Variants in PCCA observed in about 807,000 individuals in gnomAD.
PCCA encodes propionyl-CoA carboxylase subunit alpha.
Under a neutral mutation model 101.3 loss-of-function variants are expected in PCCA, and 74 were observed. The ratio of observed to expected loss-of-function variants is 0.73; its 90% CI spans 0.61 to 0.89. The LOEUF (loss-of-function observed/expected upper bound fraction) is 0.89, where lower values mean the gene tolerates loss of function less well. Among genes scored for constraint, PCCA ranks in the 40% least tolerant of loss-of-function variants. The pLI is 0.00. For synonymous variants in PCCA, 294 were observed against 313.6 expected (o/e 0.94, Z 0.66); for missense variants, 891 against 907.0 (o/e 0.98, Z 0.23).
chr13:100,148,465 A>G (rs1440038274), intron 4 of PCCA, among the ~76,000 whole-genome samples: 3 of 119,214 alleles, frequency 2.5e-5, no homozygotes, highest in African/African-American at 6.7e-5. Context: ...CAGTCCTTTC[A>G]TTTGTGGTCT....
At chr13:100,271,798 T>G (rs1595048937) in intron 11 of PCCA, among the ~76,000 whole-genome samples, 1 of 152,296 alleles carries the variant, frequency 6.6e-6, no homozygotes, top group Non-Finnish European at 1.5e-5. Context: ...TTTTTAAAAG[T>G]GAAATGATAC....
chr13:100,400,165 T>C (rs2077254613), intron 19 of PCCA, among the ~76,000 whole-genome samples: 1 of 152,182 alleles, frequency 6.6e-6, no homozygotes, highest in Non-Finnish European at 1.5e-5. Flanking sequence ...GTTTTGAACT[T>C]GGGTGATGGA....
intron 6 of PCCA, among the ~76,000 whole-genome samples, chr13:100,179,476 A>C (rs2056576404): frequency 6.6e-6 from 1 of 152,196 alleles, no homozygotes; most frequent in South Asian, 2.1e-4. Flanking sequence ...AAGTGAGGTC[A>C]TGGTAGACCC....
chr13:100,446,668 A>G (rs2080854473), intron 20 of PCCA, among the ~76,000 whole-genome samples: 1 of 152,226 alleles, frequency 6.6e-6, no homozygotes, highest in African/African-American at 2.4e-5. Flanking sequence ...AGACACAGGA[A>G]AGGAGTCTAT....
Position 100,140,232 on chromosome 13 carries a change from G to A in PCCA, c.301-14747G>A, listed in dbSNP as rs142809505. Among the ~76,000 whole-genome samples, 5 of 152,216 alleles carry A rather than the reference G, an allele frequency of 3.3e-5. No homozygotes were observed. In the East Asian group the frequency reaches 5.8e-4, roughly 18 times the overall value. On this transcript the variant is annotated intron_variant, in intron 4 of 23. Transcript: ENST00000376285. ...CAAATTTTGTGTTTGTGTCCAGGAC[G>A]TGTAAAGAGCACAGAGAGAGCAGAA... is the stretch of plus-strand genomic sequence containing the variant.
At chr13:100,328,094 G>C (rs1487425436) in intron 16 of PCCA, among the ~76,000 whole-genome samples, 4 of 152,204 alleles carry the variant, frequency 2.6e-5, no homozygotes, top group African/African-American at 9.6e-5. Context: ...GCCGGGTGCA[G>C]TGGCTCACGC....
intron 2 of PCCA, among the ~76,000 whole-genome samples, chr13:100,104,225 G>T (rs147388629): frequency 6.6e-6 from 1 of 152,280 alleles, no homozygotes; most frequent in South Asian, 2.1e-4. Flanking sequence ...GCTGAAGTGC[G>T]CAATACTGCT....
chr13:100,112,276 A>G (rs1041075072), intron 4 of PCCA, among the ~76,000 whole-genome samples: 1 of 152,182 alleles, frequency 6.6e-6, no homozygotes, highest in African/African-American at 2.4e-5. Flanking sequence ...AAACTTAGAC[A>G]GAAAAATTGC....
At chr13:100,447,197 A>G (rs1014005505) in intron 20 of PCCA, among the ~76,000 whole-genome samples, 7 of 152,128 alleles carry the variant, frequency 4.6e-5, no homozygotes, top group Non-Finnish European at 7.4e-5. Context: ...AGCCTGGCCA[A>G]CATGGCAAAA....
At chr13:100,375,814 G>T (rs113125039) in intron 19 of PCCA, among the ~76,000 whole-genome samples, 2 of 152,068 alleles carry the variant, frequency 1.3e-5, no homozygotes, top group African/African-American at 2.4e-5. Context: ...AAATGTAAAC[G>T]GGCTAAATGC....
intron 18 of PCCA, among the ~76,000 whole-genome samples, chr13:100,356,491 C>T (rs970408519): frequency 6.6e-6 from 1 of 151,776 alleles, no homozygotes; most frequent in African/African-American, 2.4e-5. Flanking sequence ...GCCAATAAGC[C>T]CATAAAAGAT....
chr13:100,326,743 T>A (rs1595359705), intron 16 of PCCA, among the ~76,000 whole-genome samples: 1 of 152,134 alleles, frequency 6.6e-6, no homozygotes, highest in Non-Finnish European at 1.5e-5. Flanking sequence ...ATGATCCACT[T>A]CCACTTGATG....
chr13:100,527,651 C>T, intron 22 of PCCA, 24 bp from the exon 23 acceptor site: 1 of 1,567,532 alleles, frequency 6.4e-7, no homozygotes, highest in Non-Finnish European at 8.8e-7. Context: ...GCTTTTAAAA[C>T]TTCTGCCCAT....
intron 16 of PCCA, among the ~76,000 whole-genome samples, chr13:100,323,335 T>C (rs145975890): frequency 6.6e-6 from 1 of 152,156 alleles, no homozygotes; most frequent in Non-Finnish European, 1.5e-5. Context: ...TTTTGTTGTT[T>C]TTTTGAGACA....
intron 22 of PCCA, among the ~76,000 whole-genome samples, chr13:100,521,305 C>T (rs1039856589): frequency 6.6e-6 from 1 of 152,224 alleles, no homozygotes; most frequent in Non-Finnish European, 1.5e-5. Flanking sequence ...GCAGACGGCA[C>T]GTGTGCCTGA....
chr13:100,148,628 ATTATTTTG>A (rs775921036), intron 4 of PCCA, among the ~76,000 whole-genome samples: 148 of 152,200 alleles, frequency 9.7e-4, no homozygotes, highest in Admixed American at 3.6e-3. Context: ...GCTGGTTTTC[ATTATTTTG>A]TTGTTTACTG....
intron 17 of PCCA, among the ~76,000 whole-genome samples, chr13:100,337,009 C>G (rs2070576393): frequency 6.6e-6 from 1 of 152,124 alleles, no homozygotes; most frequent in African/African-American, 2.4e-5. Flanking sequence ...TCAGTCTTCT[C>G]TGTCGGGGTT....
At chr13:100,204,672 T>C (rs2058746129) in intron 6 of PCCA, among the ~76,000 whole-genome samples, 2 of 152,262 alleles carry the variant, frequency 1.3e-5, no homozygotes, top group Non-Finnish European at 2.9e-5. Flanking sequence ...TTCCTTAACA[T>C]ACTGCTCAAA....
chr13:100,099,339 A>C (rs1236081822), intron 1 of PCCA, among the ~76,000 whole-genome samples: 1 of 124,618 alleles, frequency 8.0e-6, no homozygotes, highest in African/African-American at 3.2e-5. Context: ...TTTTTTTGAG[A>C]TGGAGTCTTG....
Sources: gnomAD v4.1 joint callset for allele counts (sites outside exome capture counted in the v4.1 genomes callset) on GRCh38, gnomAD v4.1.1 for gene constraint, MANE v1.5 for transcripts, NCBI Gene and HGNC (gene_info 2026-07-23, HGNC 2026-07-21) for gene names.